NR2F2: variants seen among roughly 807,000 people sequenced by gnomAD.
NR2F2 encodes nuclear receptor subfamily 2 group F member 2, also known as COUP transcription factor 2.
NR2F2 carries 2 observed loss-of-function variants against 34.8 expected under a neutral mutation model. The observed-to-expected ratio is 0.06, with a 90% CI of 0.02 to 0.18. The LOEUF (loss-of-function observed/expected upper bound fraction) is 0.18. Among genes scored for constraint, NR2F2 ranks in the 10% least tolerant of loss-of-function variants. The pLI, the probability that NR2F2 is intolerant of heterozygous loss-of-function variation, is 1.00. For synonymous variants in NR2F2, 274 were observed against 251.8 expected (o/e 1.09, Z -0.84); for missense variants, 300 against 580.1 (o/e 0.52, Z 4.96).
chr15:96,330,494 C>A (rs1237462899), upstream of NR2F2, among the ~76,000 whole-genome samples: 1 of 144,548 alleles, frequency 6.9e-6, no homozygotes, highest in Non-Finnish European at 1.5e-5. Flanking sequence ...CGACGCCGCT[C>A]GCGCTAGGAC....
Position 96,332,171 on chromosome 15 carries a change from G to T in NR2F2, c.66G>T (p.Gln22His). The change falls in exon 1 of 3, where the codon CAG (glutamine) becomes CAT (histidine). Residue 22 changes from glutamine (Q) to histidine (H), a missense_variant. By Grantham distance (24) the Gln-to-His change is conservative. Transcript: ENST00000394166. ...AGGTGCCCGGCTCACAGGGCAGCCA[G>T]GCCTCGCAGGCGCCGCCCGTGCCCG... ...QDEVPGSQGS[Q>H]ASQAPPVPGP... is the part of the protein sequence containing the mutation. 7.5e-7 allele frequency: 1 copy of T among 1,337,924 alleles called. No homozygotes were observed. Among genetic ancestry groups the T allele is most frequent in the South Asian group, 2.1e-5 (1 of 48,188 alleles). The allele number at this position is 1,337,924 out of a possible 1,614,324, so 82.9% of individuals were successfully genotyped here. A position where few individuals can be genotyped will look rare whatever the true frequency, so the allele number is the denominator to read the frequency against.
rs1193561443 is a variant in NR2F2 at position 96,334,405 on chromosome 15, G to A, written c.772G>A (p.Ala258Thr). 1.2e-6 allele frequency: 2 copies of A among 1,614,036 alleles called. No individual in the cohort carries two copies. The highest frequency in any genetic ancestry group is 1.3e-5 in the African/African-American group (1 of 74,938). ...GAGCGAGCTGTTTGTGTTGAATGCG[G>A]CGCAGTGCTCCATGCCCCTCCACGT... Reference protein sequence around the residue: ...TWSELFVLNAAQCSMPLHVAP... With the variant: ...TWSELFVLNATQCSMPLHVAP... The change falls in exon 2 of 3, where the codon GCG becomes ACG. Residue 258 changes from alanine (A) to threonine (T), a missense_variant. Ala to Thr is a moderately conservative substitution (Grantham distance 58, BLOSUM62 0). This residue lies in a region of NR2F2 where 164 missense variants were observed against 365.3 expected (regional missense o/e 0.45). Transcript: ENST00000394166.
At chr15:96,332,591 G>A in intron 1 of NR2F2, 44 bp downstream of exon 1, 2 of 1,592,588 alleles carry the variant, frequency 1.3e-6, no homozygotes, top group Non-Finnish European at 1.7e-6. Flanking sequence ...GGGTCCCGGG[G>A]TCCTGGGTAC....
chr15:96,331,168 TCCGGCGGCAGCGGCGGC>T lies in NR2F2; in HGVS notation c.-933_-917del. 1.0e-6 allele frequency: 1 copy of T among 980,602 alleles called. No homozygotes were observed. Among genetic ancestry groups the T allele is most frequent in the Non-Finnish European group, 1.2e-6 (1 of 823,918 alleles). The allele number at this position is 980,602 out of a possible 1,614,324, so 60.7% of individuals were successfully genotyped here. On this transcript the variant is annotated 5_prime_UTR_variant, in exon 1 of 3. Coordinates refer to ENST00000394166, the MANE Select transcript of NR2F2 (RefSeq NM_021005.4). ...CCGACCCGGCGGCTTCGGCGGCGGCTCCGGCGGCAGCGGCGGCCCGGGCGGCCCGCAGGGAACGGCGA... is the reference window on the plus strand; with the variant it reads ...CCGACCCGGCGGCTTCGGCGGCGGCTCCGGGCGGCCCGCAGGGAACGGCGA...
upstream of NR2F2, among the ~76,000 whole-genome samples, chr15:96,327,619 A>C (rs1486582430): frequency 6.6e-6 from 1 of 152,202 alleles, no homozygotes; most frequent in Non-Finnish European, 1.5e-5. Context: ...CTATTCATGG[A>C]GCTCCAGTGT....
At chr15:96,326,064 T>G, upstream of NR2F2, 1 of 576,830 alleles carries the variant, frequency 1.7e-6, no homozygotes, top group Non-Finnish European at 3.1e-6. This position sits in a 1 kb window ranked among gnomAD's most constrained non-coding sequence, Gnocchi z 5.5. Flanking sequence ...GTGTGCAGGG[T>G]TTTCCAAGGC....
At chr15:96,329,949 A>G (rs1420379002), upstream of NR2F2, among the ~76,000 whole-genome samples, 1 of 152,200 alleles carries the variant, frequency 6.6e-6, no homozygotes, top group Non-Finnish European at 1.5e-5. Context: ...ATAAACAGAA[A>G]CAGAACGGCC....
At position 96,331,573 on chromosome 15, in the gene NR2F2, C is replaced by CG; in HGVS notation, c.-533_-532insG. 4 of 1,219,998 alleles carry CG rather than the reference C, an allele frequency of 3.3e-6. No individual in the cohort carries two copies. Among genetic ancestry groups the CG allele is most frequent in the Non-Finnish European group, 2.0e-6 (2 of 982,432 alleles). 75.6% of individuals were successfully genotyped at this position (1,219,998 alleles called of 1,614,324 possible). On this transcript the variant is annotated 5_prime_UTR_variant, in exon 1 of 3. An upstream open reading frame in the 5' UTR loses its in-frame stop. Coordinates refer to ENST00000394166, the MANE Select transcript of NR2F2 (RefSeq NM_021005.4). ...ACCTCCTCCTTCACCACCACCTCCTCTTCCTCCTCCTCCTCCTCCTCCTCC... is the reference window on the plus strand; with the variant it reads ...ACCTCCTCCTTCACCACCACCTCCTCGTTCCTCCTCCTCCTCCTCCTCCTCC...
At position 96,334,524 on chromosome 15, in the gene NR2F2, G is replaced by A; in HGVS notation, c.891G>A (p.Glu297=). The change falls in exon 2 of 3, where the codon GAG becomes GAA. Residue 297 remains glutamate (E), a synonymous_variant. Coordinates refer to ENST00000394166, the MANE Select transcript of NR2F2 (RefSeq NM_021005.4). The part of the protein sequence containing the change: ...AFMDHIRIFQ[E]QVEKLKALHV... Reference sequence around the variant, plus strand: ...TGGACCACATACGGATCTTCCAAGAGCAAGTGGAGAAGCTCAAGGCGCTGC... The same window carrying A: ...TGGACCACATACGGATCTTCCAAGAACAAGTGGAGAAGCTCAAGGCGCTGC... The A allele has an allele frequency of 1.9e-6, 3 of 1,613,680 alleles. No homozygotes were observed. Among genetic ancestry groups the A allele is most frequent in the Non-Finnish European group, 1.7e-6 (2 of 1,180,012 alleles).
chr15:96,332,941 CAAAA>C (rs752483227), intron 1 of NR2F2, among the ~76,000 whole-genome samples: 116 of 58,044 alleles, frequency 2.0e-3, no homozygotes, highest in African/African-American at 6.9e-3. Flanking sequence ...CCCACCCTCT[CAAAA>C]AAAAAAAAAA....
At chr15:96,326,091 A>G, upstream of NR2F2, 2 of 607,330 alleles carry the variant, frequency 3.3e-6, no homozygotes, top group South Asian at 4.1e-5. The surrounding 1 kb of genome is among the most constrained non-coding windows in gnomAD (Gnocchi z 5.5). Context: ...AGCCTAATAC[A>G]TGGGGAAGCA....
At chr15:96,326,291 A>G (rs1898980973), upstream of NR2F2, 1 of 1,610,162 alleles carries the variant, frequency 6.2e-7, no homozygotes, top group Non-Finnish European at 8.5e-7. The surrounding 1 kb of genome is among the most constrained non-coding windows in gnomAD (Gnocchi z 5.5). Flanking sequence ...AAGGAGAGTT[A>G]TTCCAGTTTA....
At position 96,337,626 on chromosome 15, in the gene NR2F2, A is replaced by C; in HGVS notation, c.*4A>C. ...GCCGTATATGGCAATTCAATAAATA[A>C]ATAAAATAAGAAGGGGGAGTGAAAC... On this transcript the variant is annotated 3_prime_UTR_variant, in exon 3 of 3. Transcript: ENST00000394166. 4 of 1,609,522 alleles carry C rather than the reference A, an allele frequency of 2.5e-6. No homozygotes were observed. Among genetic ancestry groups the C allele is most frequent in the Non-Finnish European group, 3.4e-6 (4 of 1,177,048 alleles).
At chr15:96,333,479 T>C (rs892872226) in intron 1 of NR2F2, 2 of 1,003,320 alleles carry the variant, frequency 2.0e-6, no homozygotes, top group African/African-American at 3.5e-5. Context: ...GGCCTCTCTC[T>C]CTCCGCCCTC....
upstream of NR2F2, among the ~76,000 whole-genome samples, chr15:96,330,360 G>C (rs933628141): frequency 6.6e-6 from 1 of 151,764 alleles, no homozygotes; most frequent in African/African-American, 2.4e-5. Flanking sequence ...GGGGAGAGCA[G>C]AGGCAGCGCT....
intron 1 of NR2F2, 174 bp downstream of exon 1, chr15:96,332,721 C>T: frequency 4.4e-6 from 6 of 1,366,742 alleles, no homozygotes; most frequent in Non-Finnish European, 5.8e-6. Context: ...CCCAAATCCG[C>T]ATGCTTTGGC....
rs75102826 is a variant in NR2F2 at position 96,331,574 on chromosome 15, TTCCTCCTCCTCC to T, written c.-516_-505del. 157 of 1,190,826 alleles carry T rather than the reference TTCCTCCTCCTCC, an allele frequency of 1.3e-4. No individual in the cohort carries two copies. Among genetic ancestry groups the T allele is most frequent in the Middle Eastern group, 3.2e-4 (1 of 3,112 alleles). The allele number at this position is 1,190,826 out of a possible 1,614,324, so 73.8% of individuals were successfully genotyped here. ...CCTCCTCCTTCACCACCACCTCCTC[TTCCTCCTCCTCC>T]TCCTCCTCCTCCTCCGCCAACTCCT... On this transcript the variant is annotated 5_prime_UTR_variant, in exon 1 of 3. Coordinates refer to ENST00000394166, the MANE Select transcript of NR2F2 (RefSeq NM_021005.4).
rs990470626 is a variant in NR2F2 at position 96,331,049 on chromosome 15, GGCGGCAGCA to G, written c.-1054_-1046del. ...TCTTTCCCTATGTGTGTGAGGCGGC[GGCGGCAGCA>G]GCAGCAGCAGCGGCTCCGGCGGCGG... On this transcript the variant is annotated 5_prime_UTR_variant, in exon 1 of 3. Coordinates refer to ENST00000394166, the MANE Select transcript of NR2F2 (RefSeq NM_021005.4). 78 of 1,242,632 alleles carry G rather than the reference GGCGGCAGCA, an allele frequency of 6.3e-5. No homozygotes were observed. The African/African-American group carries it at 1.2e-3, about 19-fold the overall frequency. 77.0% of individuals were successfully genotyped at this position (1,242,632 alleles called of 1,614,324 possible).
Position 96,339,023 on chromosome 15 carries a change from G to A in NR2F2, c.*1401G>A, listed in dbSNP as rs1899421974. 1.3e-5 allele frequency: 2 copies of A among 151,370 alleles called. No homozygotes were observed. The highest frequency in any genetic ancestry group is 4.2e-4 in the South Asian group (2 of 4,764). 9.4% of individuals were successfully genotyped at this position (151,370 alleles called of 1,614,324 possible). ...AGTTAATGGTTTATCTATGGTTTAG[G>A]AAGTGCCATACTGATATAGTAAACC... On this transcript the variant is annotated 3_prime_UTR_variant, in exon 3 of 3. Transcript: ENST00000394166.
Sources: allele counts gnomAD v4.1 joint callset (sites outside exome capture counted in the v4.1 genomes callset), GRCh38; gene constraint gnomAD v4.1.1; regional missense constraint gnomAD v4.1.1; non-coding constraint Gnocchi (gnomAD v3.1); transcripts MANE v1.5; gene names NCBI Gene and HGNC (gene_info 2026-07-23, HGNC 2026-07-21).